Variants in E2F7 observed in about 807,000 individuals in gnomAD.
E2F7 encodes the protein transcription factor E2F7.
Under a neutral mutation model 81.1 loss-of-function variants are expected in E2F7, and 35 were observed. The ratio of observed to expected loss-of-function variants is 0.43; its 90% CI spans 0.33 to 0.57. E2F7 has a LOEUF of 0.57. Among genes scored for constraint, E2F7 ranks in the 20% least tolerant of loss-of-function variants. The probability of loss-of-function intolerance (pLI) is 0.04; values close to 1 mark genes in which losing one functional copy is unlikely to be tolerated. For synonymous variants in E2F7, 416 were observed against 416.2 expected, an observed-to-expected ratio of 1.00 and a Z score of 0.01; for missense variants, 961 against 1,093.7, an observed-to-expected ratio of 0.88 and a Z score of 1.71.
Position 77,050,593 on chromosome 12 carries a change from TC to T in E2F7, c.520del (p.Glu174LysfsTer17). On this transcript the variant is annotated frameshift_variant, in exon 4 of 13. Transcript: ENST00000322886. LOFTEE classifies it high-confidence loss of function. ...ATACATACCAAGACTGACAGCAACTTCATCTAGGGAGATGGTAGTTTTCTCA... is the reference window on the plus strand; with the variant it reads ...ATACATACCAAGACTGACAGCAACTTATCTAGGGAGATGGTAGTTTTCTCA... ...STEKTTISLD[E>X]VAVSLGVERR... 1 of 1,613,948 alleles carries T rather than the reference TC, an allele frequency of 6.2e-7. No individual in the cohort carries two copies. Among genetic ancestry groups the T allele is most frequent in the Non-Finnish European group, 8.5e-7 (1 of 1,179,884 alleles).
chr12:77,056,251 G>C (rs1955031649), intron 2 of E2F7, 121 bp from the exon 3 acceptor site: 2 of 1,069,110 alleles, frequency 1.9e-6, no homozygotes, highest in Non-Finnish European at 2.6e-6. Context: ...GTTTAGGGCT[G>C]AAAAGTATCA....
chr12:77,046,849 C>G (rs1463883824), intron 4 of E2F7, among the ~76,000 whole-genome samples: 2 of 152,206 alleles, frequency 1.3e-5, no homozygotes, highest in South Asian at 4.1e-4. Flanking sequence ...TGATAACGCT[C>G]TCAATGGACC....
rs771785989 is a variant in E2F7 at position 77,050,670 on chromosome 12, T to A, written c.444A>T (p.Gly148=). The change falls in exon 4 of 13, where the codon GGA becomes GGT. Residue 148 remains glycine (G), a synonymous_variant. Coordinates refer to ENST00000322886, the MANE Select transcript of E2F7 (RefSeq NM_203394.3). ...GAGCTAGAAACTTCTGGCACAGGAG[T>A]CCTAAACTTTTCTGTTTTCTGCTTG... The part of the protein sequence containing the change: ...QRPSRKQKSL[G]LLCQKFLARY... 5 of 1,613,830 alleles carry A rather than the reference T, an allele frequency of 3.1e-6. No homozygotes were observed. In the Admixed American group the frequency reaches 8.3e-5, roughly 27 times the overall value.
chr12:77,035,428 G>A (rs1954840916), intron 7 of E2F7, among the ~76,000 whole-genome samples: 1 of 152,194 alleles, frequency 6.6e-6, no homozygotes, highest in African/African-American at 2.4e-5. Flanking sequence ...ACTGGGAAAA[G>A]TGCCTGTTGC....
intron 7 of E2F7, among the ~76,000 whole-genome samples, chr12:77,038,785 T>G (rs1021077210): frequency 1.3e-5 from 2 of 152,210 alleles, no homozygotes; most frequent in Non-Finnish European, 2.9e-5. Flanking sequence ...TAAAAAATTG[T>G]AATCTGTAGT....
chr12:77,024,770 T>C, intron 12 of E2F7, among the ~76,000 whole-genome samples: 1 of 152,250 alleles, frequency 6.6e-6, no homozygotes, highest in Non-Finnish European at 1.5e-5. Flanking sequence ...TTCTATGTTA[T>C]GCTATAATCA....
intron 11 of E2F7, among the ~76,000 whole-genome samples, chr12:77,027,180 A>G (rs1954766776): frequency 6.6e-6 from 1 of 152,226 alleles, no homozygotes; most frequent in Non-Finnish European, 1.5e-5. Flanking sequence ...CCAACAAGGA[A>G]TTGAGGAAAA....
In E2F7 at chr12:77,056,097, G is replaced by A; in HGVS notation, c.127C>T (p.Pro43Ser). The A allele has an allele frequency of 1.2e-6, 2 of 1,612,462 alleles. No homozygotes were observed. The highest frequency in any genetic ancestry group is 1.7e-6 in the Non-Finnish European group (2 of 1,179,606). Residue 43 changes from proline to serine, a missense_variant, in exon 3 of 13, where the codon CCG becomes TCG. Pro to Ser is a moderately conservative substitution (Grantham distance 74). Coordinates refer to ENST00000322886, the MANE Select transcript of E2F7 (RefSeq NM_203394.3). ...NIFVDRSRMA[P>S]KTPIKNEPID... ...GGTTCATTTTTTATTGGAGTCTTCG[G>A]GGCCATCCTTGATCGATCAACAAAT...
chr12:77,031,828 G>C (rs1954810342), intron 9 of E2F7, among the ~76,000 whole-genome samples: 1 of 152,172 alleles, frequency 6.6e-6, no homozygotes, highest in East Asian at 1.9e-4. Flanking sequence ...GGGCCGCAGA[G>C]ATGAGTCATC....
chr12:77,024,340 T>A (rs1243637497), intron 12 of E2F7, among the ~76,000 whole-genome samples, 155 bp from the exon 13 acceptor site: 4 of 152,206 alleles, frequency 2.6e-5, no homozygotes, highest in African/African-American at 9.7e-5. Flanking sequence ...TTGTCTCCCC[T>A]GCTTACCACA....
intron 7 of E2F7, among the ~76,000 whole-genome samples, chr12:77,038,201 T>C (rs1194738680): frequency 6.6e-6 from 1 of 152,144 alleles, no homozygotes; most frequent in East Asian, 1.9e-4. Flanking sequence ...TCTGCAACTA[T>C]AATCAAGATT....
intron 7 of E2F7, among the ~76,000 whole-genome samples, chr12:77,040,228 A>C (rs1053925854): frequency 5.3e-5 from 8 of 152,212 alleles, no homozygotes; most frequent in Non-Finnish European, 1.0e-4. Context: ...GGCCAACAGT[A>C]CTGTAACTCA....
intron 4 of E2F7, among the ~76,000 whole-genome samples, chr12:77,046,643 A>T (rs1245663558): frequency 1.3e-5 from 2 of 152,252 alleles, no homozygotes; most frequent in Non-Finnish European, 2.9e-5. Flanking sequence ...CGAACATTTC[A>T]GCAGCTGAAA....
At position 77,025,627 on chromosome 12, in the gene E2F7, G is replaced by A; in HGVS notation, c.2496C>T (p.His832=). The change falls in exon 12 of 13, where the codon CAC becomes CAT. Residue 832 remains histidine, a synonymous_variant. Coordinates refer to ENST00000322886, the MANE Select transcript of E2F7 (RefSeq NM_203394.3). ...LNLSPVMSRS[H]SVVQQPESPV... ...GGGACTCAGGTTGTTGGACGACACT[G>A]TGTGACCTTGACATCACTGGACTTA... The A allele has an allele frequency of 6.2e-7, 1 of 1,614,190 alleles. No homozygotes were observed. The highest frequency in any genetic ancestry group is 8.5e-7 in the Non-Finnish European group (1 of 1,180,038).
chr12:77,036,064 C>CA (rs1294016213), intron 7 of E2F7, among the ~76,000 whole-genome samples: 1 of 131,666 alleles, frequency 7.6e-6, no homozygotes, highest in Non-Finnish European at 1.7e-5. Flanking sequence ...TAACCAAAAG[C>CA]AAGCATAAGT....
In E2F7 at chr12:77,058,948, C is replaced by T. The variant is rs983004873; in HGVS notation, c.94-2818G>A. Among the ~76,000 whole-genome samples the T allele has an allele frequency of 9.9e-5, 15 of 152,232 alleles. No homozygotes were observed. In the East Asian group the frequency reaches 2.7e-3, roughly 27 times the overall value. Reference sequence around the variant, plus strand: ...GTTCATCGCAATTTTTGGCACAATGCGTTGCCCACTGCAGATACTCAAAGA... The same window carrying T: ...GTTCATCGCAATTTTTGGCACAATGTGTTGCCCACTGCAGATACTCAAAGA... On this transcript the variant is annotated intron_variant, in intron 2 of 12. Coordinates refer to ENST00000322886, the MANE Select transcript of E2F7 (RefSeq NM_203394.3).
intron 7 of E2F7, 32 bp from the exon 8 acceptor site, chr12:77,034,074 A>T: frequency 6.3e-7 from 1 of 1,579,354 alleles, no homozygotes; most frequent in Non-Finnish European, 8.6e-7. Context: ...TAGTGTTGTT[A>T]TACAGCTGTA....
chr12:77,029,869 C>G lies in E2F7; in HGVS notation c.1846G>C (p.Glu616Gln). 3.7e-6 allele frequency: 6 copies of G among 1,614,248 alleles called. No individual in the cohort carries two copies. The highest frequency in any genetic ancestry group is 5.1e-6 in the Non-Finnish European group (6 of 1,180,044). Residue 616 changes from glutamate to glutamine, a missense_variant, in exon 10 of 13, where the codon GAA (glutamate) becomes CAA (glutamine). By Grantham distance (29) the Glu-to-Gln change is conservative. Around this residue, in one of 3 missense-constraint regions of E2F7, gnomAD observed 587 missense variants for 620.3 expected, o/e 0.95. Coordinates refer to ENST00000322886, the MANE Select transcript of E2F7 (RefSeq NM_203394.3). ...DEPATKRQSR[E>Q]YEDGPLSLVM... Reference sequence around the variant, plus strand: ...AGCGACAGCGGGCCGTCTTCATATTCCCTACTTTGCCTTTTAGTGGCTGGC... The same window carrying G: ...AGCGACAGCGGGCCGTCTTCATATTGCCTACTTTGCCTTTTAGTGGCTGGC...
Position 77,029,840 on chromosome 12 carries a change from G to A in E2F7, c.1875C>T (p.Val625=). The A allele has an allele frequency of 6.2e-7, 1 of 1,614,082 alleles. No individual in the cohort carries two copies. The highest frequency in any genetic ancestry group is 8.5e-7 in the Non-Finnish European group (1 of 1,179,964). ...REYEDGPLSL[V]MPKKPSDSTD... ...ACCTGCACTCCCTTACCTTGGGCATGACAAGCGACAGCGGGCCGTCTTCAT... is the reference window on the plus strand; with the variant it reads ...ACCTGCACTCCCTTACCTTGGGCATAACAAGCGACAGCGGGCCGTCTTCAT... The change falls in exon 10 of 13, where the codon GTC becomes GTT. Residue 625 remains valine, a synonymous_variant. Coordinates refer to ENST00000322886, the MANE Select transcript of E2F7 (RefSeq NM_203394.3).
Sources: allele counts gnomAD v4.1 joint callset (sites outside exome capture counted in the v4.1 genomes callset), GRCh38; gene constraint gnomAD v4.1.1; regional missense constraint gnomAD v4.1.1; transcripts MANE v1.5; gene names NCBI Gene and HGNC (gene_info 2026-07-23, HGNC 2026-07-21).